AP5Z1: variants seen among roughly 807,000 people sequenced by gnomAD.
The protein encoded by AP5Z1 is adaptor related protein complex 5 subunit zeta 1.
In AP5Z1, 106 loss-of-function variants were observed where a neutral mutation model predicts 83.0. The observed-to-expected ratio is 1.28, with a 90% CI of 1.09 to 1.50. The LOEUF is 1.50. Ranked by LOEUF, AP5Z1 falls within the 40% of genes most tolerant of loss-of-function variation. AP5Z1 has a pLI of 0.00. For synonymous variants in AP5Z1, 751 were observed against 514.1 expected (o/e 1.46, Z -6.23); for missense variants, 1,565 against 1,094.2 (o/e 1.43, Z -6.07).
At chr7:4,784,160 G>T (rs776086980) in intron 5 of AP5Z1, 43 bp from the exon 6 acceptor site, 1 of 1,534,934 alleles carries the variant, frequency 6.5e-7, no homozygotes, top group East Asian at 2.4e-5. Context: ...CGTTTTTCCC[G>T]GCCTCGGCCC....
intron 1 of AP5Z1, among the ~76,000 whole-genome samples, chr7:4,778,879 A>G (rs1011579068): frequency 1.2e-4 from 17 of 145,642 alleles, no homozygotes; most frequent in South Asian, 2.1e-4. Context: ...TATAATCAAA[A>G]AAAGAATAAA....
chr7:4,791,710 T>C lies in AP5Z1; in HGVS notation c.*325T>C, dbSNP rs946037144. ...TTCCTAGTCTTTTGTTTTTGGACAGTTGATGGGCAAGAAGAGCTGCAGTAA... is the reference window on the plus strand; with the variant it reads ...TTCCTAGTCTTTTGTTTTTGGACAGCTGATGGGCAAGAAGAGCTGCAGTAA... On this transcript the variant is annotated 3_prime_UTR_variant, in exon 17 of 17. Coordinates refer to ENST00000649063, the MANE Select transcript of AP5Z1 (RefSeq NM_014855.3). 1.4e-5 allele frequency: 6 copies of C among 423,762 alleles called. No homozygotes were observed. The highest frequency in any genetic ancestry group is 6.0e-5 in the African/African-American group (3 of 50,240). 26.3% of individuals were successfully genotyped at this position (423,762 alleles called of 1,614,324 possible). A position where few individuals can be genotyped will look rare whatever the true frequency, so the allele number is the denominator to read the frequency against.
chr7:4,781,835 G>A, intron 3 of AP5Z1, 81 bp downstream of exon 3: 1 of 1,418,986 alleles, frequency 7.0e-7, no homozygotes, highest in Non-Finnish European at 9.3e-7. Context: ...AGGGGCGCCA[G>A]AGCCGGCAGG....
At chr7:4,788,431 A>G in intron 12 of AP5Z1, 137 bp downstream of exon 12, 2 of 1,133,934 alleles carry the variant, frequency 1.8e-6, no homozygotes, top group Non-Finnish European at 2.4e-6. Flanking sequence ...CCCCGTCATC[A>G]CCATTATAGA....
intron 3 of AP5Z1, 83 bp from the exon 4 acceptor site, chr7:4,783,233 G>A: frequency 2.0e-6 from 3 of 1,476,950 alleles, no homozygotes; most frequent in Non-Finnish European, 2.7e-6. Context: ...CGCTTCTCAG[G>A]AGTGTCACAC....
chr7:4,780,851 T>C (rs1781362148), intron 1 of AP5Z1, among the ~76,000 whole-genome samples: 1 of 152,166 alleles, frequency 6.6e-6, no homozygotes, highest in Non-Finnish European at 1.5e-5. Flanking sequence ...CTAGAGTAAA[T>C]TTCCTACTCT....
In AP5Z1 at chr7:4,791,216, C is replaced by A; in HGVS notation, c.2255C>A (p.Thr752Lys). Residue 752 changes from threonine (T) to lysine (K), a missense_variant, in exon 17 of 17, where the codon ACA (threonine) becomes AAA (lysine). Transcript: ENST00000649063. ...EGAEAIRTRATELLTLLKMPS... is the reference protein window; with the variant it reads ...EGAEAIRTRAKELLTLLKMPS... ...GCGGAAGCCATCCGTACCCGGGCCA[C>A]AGAGCTGCTGACCCTGCTGAAGATG... The A allele has an allele frequency of 6.2e-7, 1 of 1,612,758 alleles. No homozygotes were observed. The highest frequency in any genetic ancestry group is 1.1e-5 in the South Asian group (1 of 91,054).
chr7:4,778,166 G>A (rs183267342), intron 1 of AP5Z1, among the ~76,000 whole-genome samples: 6 of 152,226 alleles, frequency 3.9e-5, no homozygotes, highest in South Asian at 2.1e-4. Context: ...TTGAGGCTGC[G>A]GTAAGCTATG....
chr7:4,788,818 C>T (rs375214871), intron 12 of AP5Z1, 22 bp from the exon 13 acceptor site: 21 of 1,575,838 alleles, frequency 1.3e-5, no homozygotes, highest in Non-Finnish European at 1.5e-5. Context: ...GGGCAGCACT[C>T]ACGGCCACAC....
chr7:4,778,864 T>G (rs1453243189), intron 1 of AP5Z1, among the ~76,000 whole-genome samples: 1 of 145,214 alleles, frequency 6.9e-6, no homozygotes, highest in Non-Finnish European at 1.5e-5. Context: ...ATATAATATT[T>G]TATATATAAT....
At chr7:4,790,169 G>C (rs181531717) in intron 14 of AP5Z1, 1 of 1,527,158 alleles carries the variant, frequency 6.5e-7, no homozygotes, top group African/African-American at 1.4e-5. Flanking sequence ...GGTTAGCTCA[G>C]GTCCCTCTTC....
At chr7:4,789,958 C>T (rs574694482) in intron 14 of AP5Z1, 29 bp downstream of exon 14, 34 of 1,494,644 alleles carry the variant, frequency 2.3e-5, no homozygotes, top group South Asian at 1.8e-4. Context: ...CCTGCCACAG[C>T]CCTGGGCGGG....
chr7:4,776,730 G>A (rs1275869868), intron 1 of AP5Z1, among the ~76,000 whole-genome samples: 1 of 151,972 alleles, frequency 6.6e-6, no homozygotes, highest in East Asian at 1.9e-4. Context: ...GCGAAACTCC[G>A]TCTCAAAAGA....
chr7:4,791,229 C>T lies in AP5Z1; in HGVS notation c.2268C>T (p.Thr756=), dbSNP rs530694941. ...AIRTRATELL[T]LLKMPSVAQF... is the part of the protein sequence containing the mutation. ...GTACCCGGGCCACAGAGCTGCTGAC[C>T]CTGCTGAAGATGCCTAGCGTGGCCC... The change falls in exon 17 of 17, where the codon ACC becomes ACT. Residue 756 remains threonine (T), a synonymous_variant. Coordinates refer to ENST00000649063, the MANE Select transcript of AP5Z1 (RefSeq NM_014855.3). The T allele has an allele frequency of 5.6e-6, 9 of 1,612,838 alleles. No homozygotes were observed. The Admixed American group carries it at 1.5e-4, about 27-fold the overall frequency.
At chr7:4,790,349 G>T (rs776985783) in intron 14 of AP5Z1, 110 bp from the exon 15 acceptor site, 7 of 1,567,642 alleles carry the variant, frequency 4.5e-6, no homozygotes, top group Non-Finnish European at 6.1e-6. Context: ...GGAGGGTGCA[G>T]CATACACCTA....
chr7:4,775,904 A>G lies in AP5Z1; in HGVS notation c.41+148A>G, dbSNP rs534516839. 5.1e-5 allele frequency: 62 copies of G among 1,217,228 alleles called. No homozygotes were observed. The Middle Eastern group carries it at 8.1e-4, about 16-fold the overall frequency. The allele number at this position is 1,217,228 out of a possible 1,614,324, so 75.4% of individuals were successfully genotyped here. On this transcript the variant is annotated intron_variant, in intron 1 of 16. Coordinates refer to ENST00000649063, the MANE Select transcript of AP5Z1 (RefSeq NM_014855.3). ...CGAGACTTGGGGATCGGGTAAGGCA[A>G]CACGGCGGCCAGGCTTGGGGTGAGG... is the stretch of plus-strand genomic sequence containing the variant.
In AP5Z1 at chr7:4,786,220, C is replaced by G. The variant is rs78201739; in HGVS notation, c.1133-30C>G. On this transcript the variant is annotated intron_variant, in intron 9 of 16. Transcript: ENST00000649063. The stretch of plus-strand genomic sequence containing the variant: ...AAGCACGGCCAGGGCGAGGTCAAGA[C>G]GTGTGCCCTGGCGGGCCCTGGTCTT... 7 of 1,570,868 alleles carry G rather than the reference C, an allele frequency of 4.5e-6. No individual in the cohort carries two copies. In the African/African-American group the frequency reaches 8.1e-5, roughly 18 times the overall value.
At position 4,791,098 on chromosome 7, in the gene AP5Z1, G is replaced by T. The variant is rs1253835628; in HGVS notation, c.2154-17G>T. On this transcript the variant is annotated splice_polypyrimidine_tract_variant and intron_variant, in intron 16 of 16. Coordinates refer to ENST00000649063, the MANE Select transcript of AP5Z1 (RefSeq NM_014855.3). Reference sequence around the variant, plus strand: ...AGGGGAGCATCTGCAGCTGACGGAGGGACCTTCTTTCCCCAGGGCCTCTTT... The same window carrying T: ...AGGGGAGCATCTGCAGCTGACGGAGTGACCTTCTTTCCCCAGGGCCTCTTT... The T allele has an allele frequency of 2.6e-6, 4 of 1,562,330 alleles. No individual in the cohort carries two copies. Among genetic ancestry groups the T allele is most frequent in the South Asian group, 2.4e-5 (2 of 83,616 alleles).
chr7:4,787,729 G>T lies in AP5Z1; in HGVS notation c.1407G>T (p.Ala469=), dbSNP rs757042274. The T allele has an allele frequency of 3.2e-6, 5 of 1,548,256 alleles. No individual in the cohort carries two copies. Among genetic ancestry groups the T allele is most frequent in the East Asian group, 4.9e-5 (2 of 41,176 alleles). ...GCACAGCCCTGGAGATGCTGCACGC[G>T]CTGCTGGACCTGCCCTGCTTGACGG... The part of the protein sequence containing the change: ...DAGTALEMLH[A]LLDLPCLTAV... The change falls in exon 11 of 17, where the codon GCG becomes GCT. Residue 469 remains alanine (A), a synonymous_variant. Coordinates refer to ENST00000649063, the MANE Select transcript of AP5Z1 (RefSeq NM_014855.3).
Sources: gnomAD v4.1 joint callset for allele counts (sites outside exome capture counted in the v4.1 genomes callset) on GRCh38, gnomAD v4.1.1 for gene constraint, MANE v1.5 for transcripts, NCBI Gene and HGNC (gene_info 2026-07-23, HGNC 2026-07-21) for gene names.